The following MNT variants were observed in gnomAD, a reference collection of about 807,000 sequenced individuals.
MNT encodes the protein MAX network transcriptional repressor.
A neutral mutation model predicts 40.7 loss-of-function variants in MNT; 13 were observed. The ratio of observed to expected loss-of-function variants is 0.32; its 90% CI spans 0.21 to 0.51. MNT has a LOEUF of 0.51. MNT is among the 20% of genes least tolerant of loss of function. The probability of loss-of-function intolerance (pLI) is 0.98; values close to 1 mark genes in which losing one functional copy is unlikely to be tolerated. For synonymous variants in MNT, 426 were observed against 354.8 expected, an observed-to-expected ratio of 1.20 and a Z score of -2.26; for missense variants, 757 against 792.0, an observed-to-expected ratio of 0.96 and a Z score of 0.53.
intron 2 of MNT, 133 bp from the exon 3 acceptor site, chr17:2,394,479 T>G: frequency 1.5e-6 from 2 of 1,364,638 alleles, no homozygotes; most frequent in Non-Finnish European, 2.0e-6. Flanking sequence ...TGGGAGACGT[T>G]CGCCCTGTGC....
chr17:2,400,464 A>T (rs1402204450), intron 1 of MNT, 176 bp downstream of exon 1: 1 of 537,420 alleles, frequency 1.9e-6, no homozygotes, highest in African/African-American at 2.0e-5. Flanking sequence ...TCATTAATTA[A>T]TTTCACTGCC....
rs1162192118 is a variant in MNT, at chr17:2,395,434, A to C, written c.94T>G (p.Leu32Val). ...RAREEQERLR[L>V]EQEREQEQKK... The stretch of plus-strand genomic sequence containing the variant: ...TGTTCCTGCTCTCGCTCCTGCTCCA[A>C]GCGAAGCCGCTCCTGCTCCTCTACA... Residue 32 changes from leucine (L) to valine (V), a missense_variant, in exon 2 of 6, where the codon TTG (leucine) becomes GTG (valine). Leu to Val is a conservative substitution (Grantham distance 32, BLOSUM62 1). Around this residue, in one of 4 missense-constraint regions of MNT, gnomAD observed 335 missense variants for 291.4 expected, o/e 1.15. Coordinates refer to ENST00000174618, the MANE Select transcript of MNT (RefSeq NM_020310.3). 6.2e-7 allele frequency: 1 copy of C among 1,612,276 alleles called. No individual in the cohort carries two copies. Among genetic ancestry groups the C allele is most frequent in the Non-Finnish European group, 8.5e-7 (1 of 1,179,532 alleles).
At chr17:2,395,895 C>T (rs2066574754) in intron 1 of MNT, among the ~76,000 whole-genome samples, 1 of 144,650 alleles carries the variant, frequency 6.9e-6, no homozygotes. Flanking sequence ...GACTTCACAC[C>T]AGAGGGGGGG....
chr17:2,394,285 A>G lies in MNT; in HGVS notation c.695+20T>C, dbSNP rs371135830. 1.1e-4 allele frequency: 180 copies of G among 1,601,606 alleles called. No homozygotes were observed. Among genetic ancestry groups the G allele is most frequent in the Middle Eastern group, 1.7e-4 (1 of 5,770 alleles). On this transcript the variant is annotated intron_variant, in intron 3 of 5. Transcript: ENST00000174618. The stretch of plus-strand genomic sequence containing the variant: ...CGCGCGCACGCACGCACGCACACAC[A>G]CACACACACACACACACACCTGTTC...
chr17:2,397,456 CTT>C (rs1398630639), intron 1 of MNT, among the ~76,000 whole-genome samples: 2 of 152,162 alleles, frequency 1.3e-5, no homozygotes, highest in African/African-American at 4.8e-5. Context: ...GGACTCCACT[CTT>C]TATAGGCAGA....
intron 1 of MNT, among the ~76,000 whole-genome samples, 158 bp from the exon 2 acceptor site, chr17:2,395,612 A>G (rs1190924947): frequency 1.3e-5 from 2 of 152,086 alleles, no homozygotes; most frequent in Non-Finnish European, 2.9e-5. Flanking sequence ...GCACGGGGGA[A>G]AGTGCCGGGG....
intron 1 of MNT, chr17:2,400,283 A>T (rs2066605637): frequency 4.2e-6 from 1 of 236,938 alleles, no homozygotes; most frequent in Admixed American, 6.2e-5. Flanking sequence ...CGAGCCTGCC[A>T]CCCCCACGCA....
Position 2,400,943 on chromosome 17 carries a change from A to AG in MNT, c.-232_-231insC. The AG allele has an allele frequency of 2.7e-6, 1 of 374,502 alleles. No homozygotes were observed. 23.2% of individuals were successfully genotyped at this position (374,502 alleles called of 1,614,324 possible). On this transcript the variant is annotated 5_prime_UTR_variant, in exon 1 of 6. Transcript: ENST00000174618. ...CAAATTTAAAAAAATGGGATGCAAA[A>AG]AAAAAAAAAAGGCGGCACTGCCTCC...
intron 1 of MNT, among the ~76,000 whole-genome samples, chr17:2,397,482 C>A (rs577903304): frequency 2.6e-5 from 4 of 152,144 alleles, no homozygotes; most frequent in Non-Finnish European, 5.9e-5. Context: ...ACAATCAGGG[C>A]CCTCCCTGAG....
chr17:2,386,017 C>T lies in MNT; in HGVS notation c.*884G>A, dbSNP rs1233788307. 1 of 152,276 alleles carries T rather than the reference C, an allele frequency of 6.6e-6. No individual in the cohort carries two copies. Among genetic ancestry groups the T allele is most frequent in the Non-Finnish European group, 1.5e-5 (1 of 68,190 alleles). The allele number at this position is 152,276 out of a possible 1,614,324, so 9.4% of individuals were successfully genotyped here. ...GGACAGCGCCCCTCTTTGCTGCCTT[C>T]TGGAAGCCAAGAGCCAAGCCCAGGG... On this transcript the variant is annotated 3_prime_UTR_variant, in exon 6 of 6. Transcript: ENST00000174618.
chr17:2,399,081 A>G (rs1225341333), intron 1 of MNT, among the ~76,000 whole-genome samples: 3 of 149,052 alleles, frequency 2.0e-5, no homozygotes, highest in Non-Finnish European at 4.5e-5. Context: ...TACCTCCTGC[A>G]TGACTCATCA....
Position 2,394,302 on chromosome 17 carries a change from C to G in MNT, c.695+3G>C. 3.7e-6 allele frequency: 6 copies of G among 1,613,320 alleles called. No individual in the cohort carries two copies. The highest frequency in any genetic ancestry group is 5.1e-6 in the Non-Finnish European group (6 of 1,179,862). ...GCACACACACACACACACACACACA[C>G]ACCTGTTCTTCTCCAATTTGTTGTG... is the stretch of plus-strand genomic sequence containing the variant. On this transcript the variant is annotated splice_donor_region_variant and intron_variant, in intron 3 of 5. Transcript: ENST00000174618.
chr17:2,387,366 G>A lies in MNT; in HGVS notation c.1284C>T (p.Ala428=), dbSNP rs1442214711. 4 of 1,612,214 alleles carry A rather than the reference G, an allele frequency of 2.5e-6. No individual in the cohort carries two copies. The highest frequency in any genetic ancestry group is 3.4e-6 in the Non-Finnish European group (4 of 1,179,378). The stretch of plus-strand genomic sequence containing the variant: ...CACCCCCAGCCGTCGCCACCAGATG[G>A]GCTGGAGCTGGCACCAGTGTCTGGG... ...APAQTLVPAP[A]HLVATAGGGS... Residue 428 remains alanine, a synonymous_variant, in exon 6 of 6, where the codon GCC becomes GCT. Coordinates refer to ENST00000174618, the MANE Select transcript of MNT (RefSeq NM_020310.3).
At position 2,386,686 on chromosome 17, in the gene MNT, C is replaced by A; in HGVS notation, c.*215G>T. Reference sequence around the variant, plus strand: ...GGTGGCACATTCCATCAGAGTCTCGCATTTTCTCAGAGTCATCTTACCAAG... The same window carrying A: ...GGTGGCACATTCCATCAGAGTCTCGAATTTTCTCAGAGTCATCTTACCAAG... On this transcript the variant is annotated 3_prime_UTR_variant, in exon 6 of 6. Transcript: ENST00000174618. 1 of 483,236 alleles carries A rather than the reference C, an allele frequency of 2.1e-6. No individual in the cohort carries two copies. The highest frequency in any genetic ancestry group is 4.4e-5 in the South Asian group (1 of 22,556). The allele number at this position is 483,236 out of a possible 1,614,324, so 29.9% of individuals were successfully genotyped here. A position where few individuals can be genotyped will look rare whatever the true frequency, so the allele number is the denominator to read the frequency against.
At chr17:2,398,648 AGTC>A (rs2066593103) in intron 1 of MNT, among the ~76,000 whole-genome samples, 2 of 152,242 alleles carry the variant, frequency 1.3e-5, no homozygotes, top group Admixed American at 1.3e-4. Flanking sequence ...GGCACACAGA[AGTC>A]GTGACCAGGC....
rs953094281 is a variant in MNT at position 2,384,534 on chromosome 17, T to C, written c.*2367A>G. 4.6e-5 allele frequency: 7 copies of C among 152,498 alleles called. No homozygotes were observed. Among genetic ancestry groups the C allele is most frequent in the African/African-American group, 1.7e-4 (7 of 41,412 alleles). 9.4% of individuals were successfully genotyped at this position (152,498 alleles called of 1,614,324 possible). Reference sequence around the variant, plus strand: ...CCCCGAGGTAAGGACTCCCAGCCAGTGAGCCACTCTGAACATCAAAAGGTA... The same window carrying C: ...CCCCGAGGTAAGGACTCCCAGCCAGCGAGCCACTCTGAACATCAAAAGGTA... On this transcript the variant is annotated 3_prime_UTR_variant, in exon 6 of 6. Transcript: ENST00000174618.
rs750888578 is a variant in MNT at position 2,387,506 on chromosome 17, G to C, written c.1144C>G (p.Pro382Ala). Residue 382 changes from proline to alanine, a missense_variant, in exon 6 of 6, where the codon CCA (proline) becomes GCA (alanine). Transcript: ENST00000174618. ...GCCACGGAGTGGGGGTGAGGGTGTGGGTGTGGAGGCAGAGGCGCAGGGGTG... is the reference window on the plus strand; with the variant it reads ...GCCACGGAGTGGGGGTGAGGGTGTGCGTGTGGAGGCAGAGGCGCAGGGGTG... ...STTPAPLPPHPHPHPHSVALP... is the reference protein window; with the variant it reads ...STTPAPLPPHAHPHPHSVALP... 1.2e-6 allele frequency: 2 copies of C among 1,613,234 alleles called. No homozygotes were observed. The highest frequency in any genetic ancestry group is 1.7e-6 in the Non-Finnish European group (2 of 1,179,776).
intron 3 of MNT, 43 bp downstream of exon 3, chr17:2,394,262 C>A (rs779790848): frequency 6.3e-7 from 1 of 1,576,638 alleles, no homozygotes; most frequent in South Asian, 1.1e-5. Context: ...CCGGGTCGCG[C>A]GCGCACGCAC....
In MNT at chr17:2,387,864, G is replaced by A. The variant is rs147867588; in HGVS notation, c.993C>T (p.Thr331=). 1.2e-4 allele frequency: 197 copies of A among 1,597,714 alleles called. No homozygotes were observed. In the African/African-American group the frequency reaches 2.1e-3, roughly 17 times the overall value. The change falls in exon 5 of 6, where the codon ACC becomes ACT. Residue 331 remains threonine, a synonymous_variant. Coordinates refer to ENST00000174618, the MANE Select transcript of MNT (RefSeq NM_020310.3). ...QPEDDQASTS[T]ASEGEDNIDE... ...GTGGGGGCTGGGGCTCACCAGAGGC[G>A]GTGGAGGTGGAGGCCTGGTCATCCT...
Sources: allele counts gnomAD v4.1 joint callset (sites outside exome capture counted in the v4.1 genomes callset), GRCh38; gene constraint gnomAD v4.1.1; regional missense constraint gnomAD v4.1.1; transcripts MANE v1.5; gene names NCBI Gene and HGNC (gene_info 2026-07-23, HGNC 2026-07-21).